Variants in DDAH1 observed in about 807,000 individuals in gnomAD.
The protein encoded by DDAH1 is N(G),N(G)-dimethylarginine dimethylaminohydrolase 1.
A neutral mutation model predicts 28.8 loss-of-function variants in DDAH1; 19 were observed. The observed-to-expected ratio is 0.66, with a 90% CI of 0.46 to 0.97. DDAH1 has a LOEUF of 0.97. DDAH1 is among the 50% of genes least tolerant of loss of function. The pLI, the probability that DDAH1 is intolerant of heterozygous loss-of-function variation, is 0.00. For missense variants in DDAH1, 326 were observed against 375.9 expected (o/e 0.87, Z 1.10); for synonymous variants, 153 against 154.4 (o/e 0.99, Z 0.07).
chr1:85,383,007 T>C (rs1271237638), intron 1 of DDAH1, among the ~76,000 whole-genome samples: 1 of 152,228 alleles, frequency 6.6e-6, no homozygotes, highest in African/African-American at 2.4e-5. Flanking sequence ...AGGGGATTAA[T>C]GCTTTTTTTA....
At chr1:85,504,914 G>A (rs1420494968) in intron 1 of DDAH1, among the ~76,000 whole-genome samples, 2 of 149,238 alleles carry the variant, frequency 1.3e-5, no homozygotes, top group East Asian at 4.0e-4. Flanking sequence ...GAATTTCCAG[G>A]GAGGGGTCTG....
chr1:85,388,811 T>C (rs1651404557), intron 1 of DDAH1, among the ~76,000 whole-genome samples: 1 of 152,152 alleles, frequency 6.6e-6, no homozygotes, highest in Admixed American at 6.5e-5. Context: ...TCTATCTACT[T>C]TCAGTGTGGA....
intron 1 of DDAH1, among the ~76,000 whole-genome samples, chr1:85,557,413 T>C (rs1209518761): frequency 3.3e-5 from 5 of 152,218 alleles, no homozygotes; most frequent in Non-Finnish European, 5.9e-5. Flanking sequence ...TATGTGCTTG[T>C]GCCATCCTCA....
At chr1:85,495,385 A>G (rs1478560963) in intron 2 of DDAH1, 1 of 152,216 alleles carries the variant, frequency 6.6e-6, no homozygotes, top group African/African-American at 2.4e-5. Flanking sequence ...TAGCATTTGT[A>G]CATTAAAAAT....
At chr1:85,430,098 G>A (rs12125900) in intron 1 of DDAH1, among the ~76,000 whole-genome samples, 23,846 of 152,182 alleles carry the variant, frequency 0.16, 2,265 homozygotes, top group Admixed American at 0.22. Context: ...AAGGGACCCA[G>A]TTTCAGTTTT....
Position 85,324,848 on chromosome 1 carries a change from T to C in DDAH1, c.633A>G (p.Lys211=). ...CTGCTATGTCATCAGGCACAGTGAG[T>C]TTGTCGTAGCGGTGGTCACTCATCT... ...MQQMSDHRYD[K]LTVPDDIAAN... is the part of the protein sequence containing the mutation. The change falls in exon 5 of 6, where the codon AAA becomes AAG. Residue 211 remains lysine (K), a synonymous_variant. Transcript: ENST00000284031. 6.2e-7 allele frequency: 1 copy of C among 1,613,988 alleles called. No individual in the cohort carries two copies. The highest frequency in any genetic ancestry group is 2.2e-5 in the East Asian group (1 of 44,874).
intron 1 of DDAH1, among the ~76,000 whole-genome samples, chr1:85,390,223 T>C (rs1436312537): frequency 1.3e-5 from 2 of 152,164 alleles, no homozygotes; most frequent in African/African-American, 2.4e-5. Flanking sequence ...AGGGATCATA[T>C]ATCAGCTTTA....
chr1:85,496,307 G>T, intron 1 of DDAH1: 1 of 708,100 alleles, frequency 1.4e-6, no homozygotes, highest in Non-Finnish European at 1.7e-6. Flanking sequence ...TATGGAAGCA[G>T]AGAGAGGGGA....
At chr1:85,336,018 A>C (rs897951853) in intron 4 of DDAH1, among the ~76,000 whole-genome samples, 2 of 151,538 alleles carry the variant, frequency 1.3e-5, no homozygotes, top group Non-Finnish European at 2.9e-5. Flanking sequence ...AAAATAAAAA[A>C]CAAATGTCAT....
chr1:85,429,941 C>T (rs1446267376), intron 1 of DDAH1, among the ~76,000 whole-genome samples: 1 of 152,138 alleles, frequency 6.6e-6, no homozygotes, highest in Non-Finnish European at 1.5e-5. Context: ...AAAATTTTCT[C>T]CCATCCTGTA....
intron 1 of DDAH1, among the ~76,000 whole-genome samples, chr1:85,439,473 A>G (rs1214282902): frequency 6.6e-6 from 1 of 152,236 alleles, no homozygotes; most frequent in African/African-American, 2.4e-5. Flanking sequence ...AAAGGCTTCC[A>G]TTACATCCCT....
At chr1:85,345,045 CAAAG>C (rs1648758450) in intron 4 of DDAH1, among the ~76,000 whole-genome samples, 2 of 152,120 alleles carry the variant, frequency 1.3e-5, no homozygotes, top group African/African-American at 2.4e-5. Flanking sequence ...TTAAAGTATA[CAAAG>C]TGTAATATAT....
chr1:85,509,286 G>A (rs894345925), intron 1 of DDAH1, among the ~76,000 whole-genome samples: 2 of 152,164 alleles, frequency 1.3e-5, no homozygotes, highest in Admixed American at 6.5e-5. Flanking sequence ...CAAACAGAAA[G>A]GAATAGCATC....
chr1:85,422,579 G>A (rs913975474), intron 1 of DDAH1, among the ~76,000 whole-genome samples: 1 of 152,136 alleles, frequency 6.6e-6, no homozygotes, highest in African/African-American at 2.4e-5. Context: ...CTTATGAAAG[G>A]TATAAGGTCT....
chr1:85,406,984 G>T (rs1341273899), intron 1 of DDAH1, among the ~76,000 whole-genome samples: 1 of 152,010 alleles, frequency 6.6e-6, no homozygotes, highest in Non-Finnish European at 1.5e-5. Flanking sequence ...TATATAAGAA[G>T]AAAAACACAT....
At position 85,462,513 on chromosome 1, in the gene DDAH1, T is replaced by C. The variant is rs745493623; in HGVS notation, c.303+2230A>G. Among the ~76,000 whole-genome samples the C allele has an allele frequency of 7.2e-5, 11 of 152,214 alleles. No homozygotes were observed. In the South Asian group the frequency reaches 1.0e-3, roughly 14 times the overall value. Reference sequence around the variant, plus strand: ...CTTGGCTACTGTGGATTTTCACAGTTGGGAATGCAGACATCACATGAAAAA... The same window carrying C: ...CTTGGCTACTGTGGATTTTCACAGTCGGGAATGCAGACATCACATGAAAAA... On this transcript the variant is annotated intron_variant, in intron 1 of 5. Transcript: ENST00000284031.
At chr1:85,487,640 A>C (rs913494684) in intron 2 of DDAH1, among the ~76,000 whole-genome samples, 2 of 152,200 alleles carry the variant, frequency 1.3e-5, no homozygotes, top group African/African-American at 4.8e-5. Context: ...TAGCACATTC[A>C]CATAGTTCAA....
intron 1 of DDAH1, among the ~76,000 whole-genome samples, chr1:85,496,787 T>C (rs1196659676): frequency 6.6e-6 from 1 of 152,196 alleles, no homozygotes; most frequent in Non-Finnish European, 1.5e-5. Flanking sequence ...AATAGCAATT[T>C]CATATAATTT....
intron 1 of DDAH1, among the ~76,000 whole-genome samples, chr1:85,433,481 G>A (rs1349361118): frequency 1.3e-5 from 2 of 152,092 alleles, no homozygotes; most frequent in Admixed American, 1.3e-4. Flanking sequence ...CACACAGTCT[G>A]GAAACATCCT....
Sources: allele counts gnomAD v4.1 joint callset (sites outside exome capture counted in the v4.1 genomes callset), GRCh38; gene constraint gnomAD v4.1.1; transcripts MANE v1.5; gene names NCBI Gene and HGNC (gene_info 2026-07-23, HGNC 2026-07-21).